Variants in TCF12 observed in about 807,000 individuals in gnomAD.
TCF12 encodes DNA-binding protein HTF4.
TCF12 carries 45 observed loss-of-function variants against 86.0 expected under a neutral mutation model. That is an observed-to-expected ratio of 0.52 (90% CI 0.41 to 0.67). The LOEUF (loss-of-function observed/expected upper bound fraction) is 0.67. Among genes scored for constraint, TCF12 ranks in the 30% least tolerant of loss-of-function variants. The probability of loss-of-function intolerance (pLI) is 0.00; values close to 1 mark genes in which losing one functional copy is unlikely to be tolerated. For missense variants in TCF12, 881 were observed against 859.9 expected (o/e 1.02, Z -0.31); for synonymous variants, 330 against 299.6 (o/e 1.10, Z -1.05).
chr15:57,219,154 C>T (rs2058460746), intron 8 of TCF12: 1 of 1,068,536 alleles, frequency 9.4e-7, no homozygotes, highest in Non-Finnish European at 1.1e-6. Context: ...GTCAGTATGC[C>T]TTCCTTTTGT....
At chr15:57,090,240 C>A (rs1395844295) in intron 4 of TCF12, among the ~76,000 whole-genome samples, 10 of 151,576 alleles carry the variant, frequency 6.6e-5, no homozygotes, top group Non-Finnish European at 1.5e-4. Context: ...AAAACAAAAA[C>A]AAAAAAATGG....
intron 5 of TCF12, among the ~76,000 whole-genome samples, chr15:57,115,546 G>C (rs1675018157): frequency 6.6e-6 from 1 of 152,084 alleles, no homozygotes. Flanking sequence ...GTAGAAAAAA[G>C]CACAAGCCTG....
At chr15:57,048,130 A>C (rs2067355843) in intron 3 of TCF12, among the ~76,000 whole-genome samples, 1 of 152,256 alleles carries the variant, frequency 6.6e-6, no homozygotes, top group African/African-American at 2.4e-5. Context: ...ATTTCTAAAA[A>C]TAACATTGCA....
intron 5 of TCF12, among the ~76,000 whole-genome samples, chr15:57,141,372 G>C (rs2052950273): frequency 6.6e-6 from 1 of 152,080 alleles, no homozygotes; most frequent in Admixed American, 6.6e-5. Context: ...TGATTGAGAT[G>C]GGGTTTAGCT....
chr15:57,150,353 A>G (rs1273877949), intron 5 of TCF12, among the ~76,000 whole-genome samples: 1 of 152,200 alleles, frequency 6.6e-6, no homozygotes, highest in Non-Finnish European at 1.5e-5. Flanking sequence ...CAATGAACCA[A>G]AGTGGAAAGA....
chr15:57,007,380 G>A (rs1235461050), intron 3 of TCF12, among the ~76,000 whole-genome samples: 2 of 152,166 alleles, frequency 1.3e-5, no homozygotes, highest in Non-Finnish European at 2.9e-5. Flanking sequence ...AAAAAGGTAT[G>A]ATGTGTTCTG....
intron 3 of TCF12, among the ~76,000 whole-genome samples, chr15:57,061,582 G>A (rs1844247037): frequency 6.6e-6 from 1 of 152,114 alleles, no homozygotes; most frequent in Admixed American, 6.5e-5. Flanking sequence ...CAGCCTGGAT[G>A]ACAGAACATG....
At chr15:57,154,841 AT>A (rs1217290241) in intron 5 of TCF12, among the ~76,000 whole-genome samples, 2 of 152,226 alleles carry the variant, frequency 1.3e-5, no homozygotes, top group African/African-American at 4.8e-5. Context: ...AAGCATGAAT[AT>A]TTAAGATATA....
chr15:57,111,024 G>T (rs1204432947), intron 5 of TCF12, among the ~76,000 whole-genome samples: 1 of 152,170 alleles, frequency 6.6e-6, no homozygotes, highest in Non-Finnish European at 1.5e-5. Flanking sequence ...TGTCTCAGAT[G>T]CATTGTGCCT....
intron 8 of TCF12, among the ~76,000 whole-genome samples, chr15:57,216,465 A>G (rs2615220): frequency 0.024 from 3,633 of 151,896 alleles, 143 homozygotes; most frequent in African/African-American, 0.083. Flanking sequence ...ACTACTGTGC[A>G]GGCAGCCTGT....
At chr15:56,948,638 C>T (rs1367617855) in intron 3 of TCF12, among the ~76,000 whole-genome samples, 3 of 152,176 alleles carry the variant, frequency 2.0e-5, no homozygotes, top group South Asian at 2.1e-4. Context: ...ATCTCAATGG[C>T]GCAATCACCT....
chr15:57,222,596 T>C (rs2058649887), intron 8 of TCF12, among the ~76,000 whole-genome samples: 1 of 151,664 alleles, frequency 6.6e-6, no homozygotes, highest in Non-Finnish European at 1.5e-5. Context: ...ATATAAAAAA[T>C]AGTAGAGAAC....
chr15:57,057,156 A>G (rs1567334320), intron 3 of TCF12, among the ~76,000 whole-genome samples: 1 of 152,150 alleles, frequency 6.6e-6, no homozygotes, highest in African/African-American at 2.4e-5. Context: ...TCTGCTACAA[A>G]CTGCCTTGTG....
At chr15:57,165,772 G>A (rs1389232276) in intron 5 of TCF12, among the ~76,000 whole-genome samples, 1 of 151,998 alleles carries the variant, frequency 6.6e-6, no homozygotes, top group Non-Finnish European at 1.5e-5. Flanking sequence ...TCCTTACCTC[G>A]TGATCCGCCC....
chr15:57,018,610 G>A (rs975808687), intron 3 of TCF12, among the ~76,000 whole-genome samples: 63 of 151,990 alleles, frequency 4.1e-4, no homozygotes, highest in African/African-American at 1.4e-3. Context: ...CTACATGCAC[G>A]TGCCAGCATG....
chr15:57,238,277 T>C (rs10518904), intron 12 of TCF12, among the ~76,000 whole-genome samples: 7,738 of 152,222 alleles, frequency 0.051, 563 homozygotes, highest in African/African-American at 0.16. Context: ...TTAAAGATAG[T>C]GCTCTTATAT....
At chr15:57,075,808 C>CTTTCTT (rs1567370724) in intron 4 of TCF12, among the ~76,000 whole-genome samples, 81 of 29,574 alleles carry the variant, frequency 2.7e-3, no homozygotes, top group African/African-American at 7.3e-3. Context: ...CTTTCTTTCT[C>CTTTCTT]TCTCTCTCTC....
chr15:57,162,913 C>T (rs111307811), intron 5 of TCF12, among the ~76,000 whole-genome samples: 16,357 of 151,924 alleles, frequency 0.11, 1,072 homozygotes, highest in South Asian at 0.17. Context: ...TGGTGGCTCA[C>T]GCCTGTAATC....
intron 6 of TCF12, among the ~76,000 whole-genome samples, chr15:57,170,705 A>ATAT (rs1491151079): frequency 2.7e-5 from 1 of 36,770 alleles, no homozygotes; most frequent in Non-Finnish European, 3.9e-5. Flanking sequence ...TATTATATAT[A>ATAT]ATATATAATA....
Sources: gnomAD v4.1 joint callset for allele counts (sites outside exome capture counted in the v4.1 genomes callset) on GRCh38, gnomAD v4.1.1 for gene constraint, MANE v1.5 for transcripts, NCBI Gene and HGNC (gene_info 2026-07-23, HGNC 2026-07-21) for gene names.